The following MARF1 variants were observed in gnomAD, a reference collection of about 807,000 sequenced individuals.
The protein encoded by MARF1 is meiosis regulator and mRNA stability factor 1.
Under a neutral mutation model 168.2 loss-of-function variants are expected in MARF1, and 24 were observed. The ratio of observed to expected loss-of-function variants is 0.14; its 90% CI spans 0.10 to 0.20. The LOEUF (loss-of-function observed/expected upper bound fraction) is 0.20, where lower values mean the gene tolerates loss of function less well. Ranked by LOEUF, MARF1 falls within the 10% of genes least tolerant of loss-of-function variation. The pLI, the probability that MARF1 is intolerant of heterozygous loss-of-function variation, is 1.00. For missense variants in MARF1, 1,744 were observed against 2,143.6 expected (o/e 0.81, Z 3.68); for synonymous variants, 868 against 822.4 (o/e 1.06, Z -0.95).
At position 15,636,098 on chromosome 16, in the gene MARF1, A is replaced by C. The variant is rs1176399286; in HGVS notation, c.389T>G (p.Ile130Ser). The C allele has an allele frequency of 2.5e-6, 4 of 1,614,242 alleles. No individual in the cohort carries two copies. The highest frequency in any genetic ancestry group is 1.6e-4 in the Middle Eastern group (1 of 6,062). The change falls in exon 3 of 27, where the codon ATT becomes AGT. Residue 130 changes from isoleucine (I) to serine (S), a missense_variant. Ile to Ser is a moderately radical substitution (Grantham distance 142). Coordinates refer to ENST00000396368, the MANE Select transcript of MARF1 (RefSeq NM_014647.4). ...CGAGTCTAACAGTGCGCCCGGGTGAATCAAGCTACTGGTACCTCCGCTACC... is the reference window on the plus strand; with the variant it reads ...CGAGTCTAACAGTGCGCCCGGGTGACTCAAGCTACTGGTACCTCCGCTACC... ...GGGSGGTSSLIHPGALLDSQS... is the reference protein window; with the variant it reads ...GGGSGGTSSLSHPGALLDSQS...
chr16:15,610,956 C>A lies in MARF1; in HGVS notation c.3751+19G>T, dbSNP rs1166611476. 3 of 1,610,048 alleles carry A rather than the reference C, an allele frequency of 1.9e-6. No individual in the cohort carries two copies. Among genetic ancestry groups the A allele is most frequent in the Non-Finnish European group, 2.5e-6 (3 of 1,177,006 alleles). ...CAGGAGATAGACAATATCCTTCCAGCAAATGTTAAGTCACATACCTCTTTT... is the reference window on the plus strand; with the variant it reads ...CAGGAGATAGACAATATCCTTCCAGAAAATGTTAAGTCACATACCTCTTTT... On this transcript the variant is annotated intron_variant, in intron 19 of 26. Transcript: ENST00000396368.
At chr16:15,614,223 C>T (rs1002799593) in intron 16 of MARF1, among the ~76,000 whole-genome samples, 4 of 151,998 alleles carry the variant, frequency 2.6e-5, no homozygotes, top group African/African-American at 9.7e-5. Flanking sequence ...TGGCTCACGT[C>T]TGTAATCCCA....
chr16:15,631,584 A>C (rs2151268775), intron 5 of MARF1, 86 bp from the exon 6 acceptor site: 11 of 873,262 alleles, frequency 1.3e-5, no homozygotes, highest in Non-Finnish European at 1.8e-5. Flanking sequence ...TTATTTTTTA[A>C]ATTTTATTAT....
chr16:15,622,811 G>A (rs2151196169), intron 11 of MARF1, 123 bp downstream of exon 11: 1 of 674,390 alleles, frequency 1.5e-6, no homozygotes, highest in Middle Eastern at 4.6e-4. Flanking sequence ...GAAAAGGAAG[G>A]AGTTCAAACT....
intron 16 of MARF1, among the ~76,000 whole-genome samples, chr16:15,613,806 G>A (rs1384259447): frequency 6.6e-6 from 1 of 152,104 alleles, no homozygotes; most frequent in African/African-American, 2.4e-5. Context: ...AAGAAAGGAG[G>A]TGTCCCGTAA....
intron 22 of MARF1, among the ~76,000 whole-genome samples, chr16:15,603,275 AAATTT>A (rs1200648940): frequency 2.0e-5 from 3 of 152,218 alleles, no homozygotes; most frequent in East Asian, 3.8e-4. Flanking sequence ...TTTTGGTATT[AAATTT>A]ATTTTGGCTT....
At chr16:15,626,199 C>G (rs2034831646) in intron 7 of MARF1, among the ~76,000 whole-genome samples, 1 of 152,042 alleles carries the variant, frequency 6.6e-6, no homozygotes, top group Non-Finnish European at 1.5e-5. Context: ...TATAAAGCAT[C>G]CAGAAAATAC....
intron 20 of MARF1, 192 bp from the exon 21 acceptor site, chr16:15,608,710 T>A (rs764742134): frequency 3.4e-5 from 20 of 580,950 alleles, no homozygotes; most frequent in Non-Finnish European, 6.1e-5. Context: ...TGACCACTAC[T>A]GGACAGGAGA....
At chr16:15,631,810 C>A (rs888208588) in intron 5 of MARF1, among the ~76,000 whole-genome samples, 1 of 152,118 alleles carries the variant, frequency 6.6e-6, no homozygotes, top group Non-Finnish European at 1.5e-5. Context: ...TGTGTTCTCA[C>A]TGTTCAACTC....
intron 15 of MARF1, among the ~76,000 whole-genome samples, chr16:15,616,256 T>C (rs146776856): frequency 1.6e-4 from 24 of 152,276 alleles, no homozygotes; most frequent in African/African-American, 5.8e-4. Flanking sequence ...GCAACTGGGC[T>C]CCAAGTCAGT....
intron 12 of MARF1, 191 bp downstream of exon 12, chr16:15,621,542 C>G: frequency 1.7e-6 from 1 of 596,644 alleles, no homozygotes; most frequent in Non-Finnish European, 2.8e-6. Context: ...AAGCTGTATT[C>G]CAGCTTTGAT....
rs1227751836 is a variant in MARF1 at position 15,596,800 on chromosome 16, C to G, written c.5122G>C (p.Glu1708Gln). 1.9e-6 allele frequency: 3 copies of G among 1,613,908 alleles called. No individual in the cohort carries two copies. Among genetic ancestry groups the G allele is most frequent in the East Asian group, 4.5e-5 (2 of 44,890 alleles). The change falls in exon 27 of 27, where the codon GAG becomes CAG. Residue 1708 changes from glutamate to glutamine, a missense_variant. Glu to Gln is a conservative substitution (Grantham distance 29). This residue lies in a region of MARF1 where 313 missense variants were observed against 337.4 expected (regional missense o/e 0.93). Coordinates refer to ENST00000396368, the MANE Select transcript of MARF1 (RefSeq NM_014647.4). ...ACGGGGTCCTTGCTGAGCAGTGACTCGGAGGTTTCCGAGGAGGGGCAGGGA... is the reference window on the plus strand; with the variant it reads ...ACGGGGTCCTTGCTGAGCAGTGACTGGGAGGTTTCCGAGGAGGGGCAGGGA... ...VPPCPSSETS[E>Q]SLLSKDPVES...
Position 15,631,828 on chromosome 16 carries a change from T to C in MARF1, c.1234-330A>G, listed in dbSNP as rs1005290375. Among the ~76,000 whole-genome samples, 21 of 152,340 alleles carry C rather than the reference T, an allele frequency of 1.4e-4. No individual in the cohort carries two copies. The East Asian group carries it at 2.1e-3, about 15-fold the overall frequency. On this transcript the variant is annotated intron_variant, in intron 5 of 26. Coordinates refer to ENST00000396368, the MANE Select transcript of MARF1 (RefSeq NM_014647.4). ...GTTCTCACTGTTCAACTCCCACTTA[T>C]AAGGCAAGAACATGCACTGTTTGGT...
Position 15,624,834 on chromosome 16 carries a change from A to C in MARF1, c.2205T>G (p.Ala735=). The change falls in exon 10 of 27, where the codon GCT becomes GCG. Residue 735 remains alanine, a synonymous_variant. Transcript: ENST00000396368. ...ETVFQVSYPS[A]FSKLVASRQV... is the part of the protein sequence containing the mutation. The stretch of plus-strand genomic sequence containing the variant: ...GCCTGGATGCAACTAACTTGCTAAA[A>C]GCAGACGGGTAACTCACTTGGAATA... 6.2e-7 allele frequency: 1 copy of C among 1,614,236 alleles called. No homozygotes were observed.
At position 15,611,051 on chromosome 16, in the gene MARF1, G is replaced by A. The variant is rs368752613; in HGVS notation, c.3675C>T (p.Ile1225=). The change falls in exon 19 of 27, where the codon ATC becomes ATT. Residue 1225 remains isoleucine (I), a synonymous_variant. Coordinates refer to ENST00000396368, the MANE Select transcript of MARF1 (RefSeq NM_014647.4). ...TEYGVCELID[I]VSEIPDTTIC... is the part of the protein sequence containing the mutation. ...TGGTTGTGTCTGGAATCTCTGATAC[G>A]ATGTCAATCAACTCACAAACACCAT... 27 of 1,613,348 alleles carry A rather than the reference G, an allele frequency of 1.7e-5. No individual in the cohort carries two copies. In the Middle Eastern group the frequency reaches 5.0e-4, roughly 30 times the overall value.
chr16:15,631,422 G>A lies in MARF1; in HGVS notation c.1310C>T (p.Ala437Val). The change falls in exon 6 of 27, where the codon GCA becomes GTA. Residue 437 changes from alanine to valine, a missense_variant. By Grantham distance (64) the Ala-to-Val change is moderately conservative (BLOSUM62 0). This residue lies in a region of MARF1 where 217 missense variants were observed against 372.4 expected (regional missense o/e 0.58). Transcript: ENST00000396368. ...DKLRQSLRRF[A>V]NTHTAPATVV... ...TGTGGCTGGAGCAGTGTGTGTATTTGCAAATCTGCGGAGACTCTGCCGCAG... is the reference window on the plus strand; with the variant it reads ...TGTGGCTGGAGCAGTGTGTGTATTTACAAATCTGCGGAGACTCTGCCGCAG... 6.2e-7 allele frequency: 1 copy of A among 1,613,072 alleles called. No homozygotes were observed. Among genetic ancestry groups the A allele is most frequent in the Non-Finnish European group, 8.5e-7 (1 of 1,179,242 alleles).
At position 15,595,800 on chromosome 16, in the gene MARF1, C is replaced by T. The variant is rs1208212718; in HGVS notation, c.*893G>A. ...ATCCCGCTGCTGCTGAAGCACCTCC[C>T]CACTCAGCTCTGATTTGTAATTTAT... is the stretch of plus-strand genomic sequence containing the variant. On this transcript the variant is annotated 3_prime_UTR_variant, in exon 27 of 27. Coordinates refer to ENST00000396368, the MANE Select transcript of MARF1 (RefSeq NM_014647.4). 1.3e-5 allele frequency: 2 copies of T among 152,196 alleles called. No individual in the cohort carries two copies. Among genetic ancestry groups the T allele is most frequent in the African/African-American group, 4.8e-5 (2 of 41,442 alleles). The allele number at this position is 152,196 out of a possible 1,614,324, so 9.4% of individuals were successfully genotyped here.
intron 17 of MARF1, among the ~76,000 whole-genome samples, chr16:15,612,053 T>C (rs188343558): frequency 4.9e-4 from 75 of 152,294 alleles, no homozygotes; most frequent in East Asian, 7.7e-4. Flanking sequence ...TCCAGACAAA[T>C]TGGTCTACAA....
chr16:15,633,711 T>C lies in MARF1; in HGVS notation c.1139A>G (p.Lys380Arg). 1 of 1,614,136 alleles carries C rather than the reference T, an allele frequency of 6.2e-7. No individual in the cohort carries two copies. Among genetic ancestry groups the C allele is most frequent in the Non-Finnish European group, 8.5e-7 (1 of 1,180,006 alleles). The stretch of plus-strand genomic sequence containing the variant: ...TGCTTCTCTGTGGCCTTTAAAAAAC[T>C]TCTCACGGATTCTTTGCACAACAGC... The part of the protein sequence containing the change: ...ATAVVQRIRE[K>R]FFKGHREAEF... Residue 380 changes from lysine (K) to arginine (R), a missense_variant, in exon 5 of 27, where the codon AAG becomes AGG. Physicochemically the swap from Lys to Arg is conservative, Grantham distance 26. This residue lies in a region of MARF1 where 217 missense variants were observed against 372.4 expected (regional missense o/e 0.58). Coordinates refer to ENST00000396368, the MANE Select transcript of MARF1 (RefSeq NM_014647.4).
Sources: allele counts gnomAD v4.1 joint callset (sites outside exome capture counted in the v4.1 genomes callset), GRCh38; gene constraint gnomAD v4.1.1; regional missense constraint gnomAD v4.1.1; transcripts MANE v1.5; gene names NCBI Gene and HGNC (gene_info 2026-07-23, HGNC 2026-07-21).